Variants in SSBP2 observed in about 807,000 individuals in gnomAD.
The protein encoded by SSBP2 is single-stranded DNA-binding protein 2.
In SSBP2, 17 loss-of-function variants were observed where a neutral mutation model predicts 61.8. That is an observed-to-expected ratio of 0.28 (90% confidence interval 0.19 to 0.41). SSBP2 has a LOEUF of 0.41. Among genes scored for constraint, SSBP2 ranks in the 10% least tolerant of loss-of-function variants. The probability of loss-of-function intolerance (pLI) is 1.00; values close to 1 mark genes in which losing one functional copy is unlikely to be tolerated. For synonymous variants in SSBP2, 139 were observed against 141.3 expected, an observed-to-expected ratio of 0.98 and a Z score of 0.12; for missense variants, 310 against 458.7, an observed-to-expected ratio of 0.68 and a Z score of 2.96.
intron 4 of SSBP2, among the ~76,000 whole-genome samples, chr5:81,514,058 A>G (rs1216010254): frequency 6.6e-6 from 1 of 152,230 alleles, no homozygotes; most frequent in African/African-American, 2.4e-5. Flanking sequence ...TGGCAACATC[A>G]AAAACAAACA....
intron 15 of SSBP2, among the ~76,000 whole-genome samples, chr5:81,433,554 C>T (rs548896135): frequency 6.9e-6 from 1 of 145,306 alleles, no homozygotes; most frequent in Non-Finnish European, 1.5e-5. Flanking sequence ...ATGACCCTGC[C>T]AAATCCCCCT....
At chr5:81,501,268 T>TATATATATAC (rs1205403428) in intron 5 of SSBP2, among the ~76,000 whole-genome samples, 4 of 35,770 alleles carry the variant, frequency 1.1e-4, no homozygotes, top group Non-Finnish European at 1.6e-4. Context: ...TATATATATA[T>TATATATATAC]ACACACACAC....
At chr5:81,551,524 T>C (rs1201231368) in intron 4 of SSBP2, among the ~76,000 whole-genome samples, 2 of 152,146 alleles carry the variant, frequency 1.3e-5, no homozygotes, top group East Asian at 1.9e-4. Context: ...TCTTTCTCAA[T>C]GGGAAGGCTT....
At chr5:81,600,194 T>G (rs1343912606) in intron 4 of SSBP2, among the ~76,000 whole-genome samples, 4 of 152,134 alleles carry the variant, frequency 2.6e-5, no homozygotes, top group Admixed American at 2.0e-4. Flanking sequence ...TTTATAGATA[T>G]TTCTACCTGT....
chr5:81,626,443 C>T (rs1209525603), intron 3 of SSBP2, among the ~76,000 whole-genome samples: 3 of 152,204 alleles, frequency 2.0e-5, no homozygotes, highest in Non-Finnish European at 2.9e-5. Flanking sequence ...AGTGGCAGAG[C>T]TGGGCTTGAG....
intron 1 of SSBP2, among the ~76,000 whole-genome samples, chr5:81,663,041 T>C (rs968549686): frequency 2.0e-5 from 3 of 152,066 alleles, no homozygotes; most frequent in African/African-American, 7.2e-5. Context: ...GGGAAAGGAG[T>C]AAAGATCTTA....
At chr5:81,440,788 G>A (rs1762981333) in intron 13 of SSBP2, 152 bp from the exon 14 acceptor site, 2 of 585,030 alleles carry the variant, frequency 3.4e-6, no homozygotes, top group African/African-American at 3.8e-5. Context: ...TCAGCCTTGT[G>A]GATTCTCTAA....
intron 4 of SSBP2, among the ~76,000 whole-genome samples, chr5:81,537,848 G>C (rs1770932537): frequency 1.3e-5 from 2 of 152,116 alleles, no homozygotes; most frequent in Non-Finnish European, 2.9e-5. Flanking sequence ...CAACAATATT[G>C]AAATTAGGCC....
intron 4 of SSBP2, among the ~76,000 whole-genome samples, chr5:81,593,146 A>G (rs1404057442): frequency 6.6e-6 from 1 of 152,234 alleles, no homozygotes; most frequent in Non-Finnish European, 1.5e-5. Flanking sequence ...AAGTCCTTAA[A>G]GGACCTGATG....
At chr5:81,737,930 A>G (rs1756735111) in intron 1 of SSBP2, among the ~76,000 whole-genome samples, 1 of 151,970 alleles carries the variant, frequency 6.6e-6, no homozygotes. Flanking sequence ...CGTTTCCCTC[A>G]TATGTCTCCG....
At chr5:81,544,088 G>T (rs952692705) in intron 4 of SSBP2, among the ~76,000 whole-genome samples, 1 of 151,972 alleles carries the variant, frequency 6.6e-6, no homozygotes, top group Non-Finnish European at 1.5e-5. Context: ...CTCGCTCTGT[G>T]GCCCAGGCTG....
intron 4 of SSBP2, among the ~76,000 whole-genome samples, chr5:81,587,528 G>A (rs552316165): frequency 1.4e-4 from 22 of 152,192 alleles, no homozygotes; most frequent in African/African-American, 5.3e-4. Flanking sequence ...CCAGGAATTC[G>A]AGACCAACCT....
intron 1 of SSBP2, among the ~76,000 whole-genome samples, chr5:81,748,199 TATA>T (rs566392179): frequency 1.1e-4 from 17 of 152,216 alleles, no homozygotes; most frequent in Non-Finnish European, 1.9e-4. Context: ...TGCTATTATT[TATA>T]ATAATGACTC....
At position 81,650,949 on chromosome 5, in the gene SSBP2, T is replaced by C. The variant is rs145000744; in HGVS notation, c.63-610A>G. ...TAAAGATATCAGATCATATTAAGCA[T>C]ATGGGAGCTTACAGTTTAAAGGTTA... On this transcript the variant is annotated intron_variant, in intron 1 of 16. Coordinates refer to ENST00000320672, the MANE Select transcript of SSBP2 (RefSeq NM_012446.5). Among the ~76,000 whole-genome samples the C allele has an allele frequency of 2.7e-3, 418 of 152,266 alleles. 1 individual carries two copies. The highest frequency in any genetic ancestry group is 9.5e-3 in the African/African-American group (396 of 41,584).
intron 3 of SSBP2, among the ~76,000 whole-genome samples, chr5:81,628,863 C>T (rs1315674016): frequency 6.6e-6 from 1 of 152,188 alleles, no homozygotes; most frequent in Non-Finnish European, 1.5e-5. Flanking sequence ...CTCGCTGGCA[C>T]TTTGTTCTGC....
intron 1 of SSBP2, among the ~76,000 whole-genome samples, chr5:81,667,911 G>C (rs1048277081): frequency 6.6e-6 from 1 of 152,124 alleles, no homozygotes; most frequent in African/African-American, 2.4e-5. Context: ...AATGGAAAGA[G>C]AAACGGTTGA....
At chr5:81,722,131 C>A (rs546877519) in intron 1 of SSBP2, among the ~76,000 whole-genome samples, 2 of 152,054 alleles carry the variant, frequency 1.3e-5, no homozygotes, top group African/African-American at 4.8e-5. Flanking sequence ...AAAGATTTTA[C>A]AAAATGCTAA....
chr5:81,716,219 G>C (rs1183650973), intron 1 of SSBP2, among the ~76,000 whole-genome samples: 1 of 151,950 alleles, frequency 6.6e-6, no homozygotes, highest in Non-Finnish European at 1.5e-5. Context: ...AAAAAAATCA[G>C]CTAAAATAGT....
At chr5:81,553,079 A>G (rs1205627811) in intron 4 of SSBP2, among the ~76,000 whole-genome samples, 1 of 152,150 alleles carries the variant, frequency 6.6e-6, no homozygotes, top group Non-Finnish European at 1.5e-5. Flanking sequence ...TTCTCATTCA[A>G]CCCTAACAAT....
Sources: gnomAD v4.1 joint callset for allele counts (sites outside exome capture counted in the v4.1 genomes callset) on GRCh38, gnomAD v4.1.1 for gene constraint, MANE v1.5 for transcripts, NCBI Gene and HGNC (gene_info 2026-07-23, HGNC 2026-07-21) for gene names.